The following MTUS2 variants were observed in gnomAD, a reference collection of about 807,000 sequenced individuals.
MTUS2 encodes the protein microtubule associated scaffold protein 2, also known as microtubule-associated tumor suppressor candidate 2.
In MTUS2, 40 loss-of-function variants were observed where a neutral mutation model predicts 114.1. The observed-to-expected ratio is 0.35, with a 90% CI of 0.27 to 0.46. The LOEUF is 0.46. Ranked by LOEUF, MTUS2 falls within the 20% of genes least tolerant of loss-of-function variation. The pLI, the probability that MTUS2 is intolerant of heterozygous loss-of-function variation, is 1.00. For missense variants in MTUS2, 1,679 were observed against 1,705.4 expected (o/e 0.98, Z 0.27); for synonymous variants, 688 against 672.0 (o/e 1.02, Z -0.37).
At chr13:29,038,336 C>G (rs763731516) in intron 4 of MTUS2, among the ~76,000 whole-genome samples, 5 of 152,242 alleles carry the variant, frequency 3.3e-5, no homozygotes, top group Non-Finnish European at 5.9e-5. Flanking sequence ...GAGGTCCACT[C>G]CAGACCCTAT....
intron 5 of MTUS2, among the ~76,000 whole-genome samples, chr13:29,205,909 C>T (rs1218467313): frequency 6.6e-6 from 1 of 152,124 alleles, no homozygotes; most frequent in Non-Finnish European, 1.5e-5. Flanking sequence ...ATTTGTTTTC[C>T]TCTGGGTAGA....
chr13:29,448,548 C>G (rs973103525), intron 9 of MTUS2, among the ~76,000 whole-genome samples: 1 of 151,682 alleles, frequency 6.6e-6, no homozygotes, highest in Non-Finnish European at 1.5e-5. Flanking sequence ...CCCCCAGTCC[C>G]CAGTACTGCT....
chr13:28,911,962 C>G (rs1021142861), intron 2 of MTUS2, among the ~76,000 whole-genome samples: 1 of 150,652 alleles, frequency 6.6e-6, no homozygotes, highest in Non-Finnish European at 1.5e-5. Context: ...TGTCTCTTCA[C>G]TCTGATGATA....
chr13:28,853,990 A>T (rs1263436449), intron 2 of MTUS2, among the ~76,000 whole-genome samples: 4 of 152,228 alleles, frequency 2.6e-5, no homozygotes, highest in Non-Finnish European at 4.4e-5. Context: ...ATAAACAAGT[A>T]CACTTGTATT....
At chr13:29,150,599 A>G (rs1021419980) in intron 5 of MTUS2, among the ~76,000 whole-genome samples, 1 of 152,206 alleles carries the variant, frequency 6.6e-6, no homozygotes, top group Admixed American at 6.5e-5. Context: ...AGACTTAGTC[A>G]TAAATTCTTT....
At chr13:28,990,816 CTGTT>C (rs1353582667) in intron 2 of MTUS2, among the ~76,000 whole-genome samples, 1 of 151,438 alleles carries the variant, frequency 6.6e-6, no homozygotes, top group African/African-American at 2.4e-5. Context: ...CTGCTGCTCA[CTGTT>C]TGGGTCAGCA....
intron 5 of MTUS2, among the ~76,000 whole-genome samples, chr13:29,264,902 T>G (rs191510250): frequency 2.8e-4 from 42 of 152,376 alleles, no homozygotes; most frequent in Middle Eastern, 6.8e-3. Flanking sequence ...TCCCATTGCC[T>G]TGGATATTAG....
intron 2 of MTUS2, among the ~76,000 whole-genome samples, chr13:28,962,531 GTCACTCTGAGGAAT>G (rs1279881465): frequency 6.6e-6 from 1 of 152,084 alleles, no homozygotes; most frequent in Non-Finnish European, 1.5e-5. Flanking sequence ...TAGATGGCAG[GTCACTCTGAGGAAT>G]TAGTGGAAAT....
chr13:29,429,320 C>G (rs969814948), intron 8 of MTUS2, among the ~76,000 whole-genome samples: 4 of 152,238 alleles, frequency 2.6e-5, no homozygotes, highest in African/African-American at 9.6e-5. Flanking sequence ...AAGTTTACCA[C>G]TCTTTTTTCA....
chr13:29,410,867 T>C (rs1005596098), intron 8 of MTUS2, among the ~76,000 whole-genome samples: 1 of 151,994 alleles, frequency 6.6e-6, no homozygotes, highest in Non-Finnish European at 1.5e-5. Context: ...AGTCTCACCC[T>C]GTTGCCCAGG....
intron 5 of MTUS2, among the ~76,000 whole-genome samples, chr13:29,119,354 A>C (rs1268906029): frequency 1.3e-5 from 2 of 151,210 alleles, no homozygotes; most frequent in African/African-American, 4.9e-5. Flanking sequence ...ACTGCATAAC[A>C]AAAAAAAATG....
Position 29,130,077 on chromosome 13 carries a change from A to G in MTUS2, c.2644+29107A>G, listed in dbSNP as rs149682448. Reference sequence around the variant, plus strand: ...AGCAAGGTTAGGGTTTGTCTTGGTCATATGGAGGACAGAATGGAGTGAGTC... The same window carrying G: ...AGCAAGGTTAGGGTTTGTCTTGGTCGTATGGAGGACAGAATGGAGTGAGTC... On this transcript the variant is annotated intron_variant, in intron 5 of 15. Transcript: ENST00000612955. 3.9e-4 allele frequency among the ~76,000 whole-genome samples: 59 copies of G among 152,284 alleles called. No individual in the cohort carries two copies. The East Asian group carries it at 0.011, about 29-fold the overall frequency.
At chr13:29,058,479 T>A (rs1290570239) in intron 4 of MTUS2, among the ~76,000 whole-genome samples, 1 of 151,768 alleles carries the variant, frequency 6.6e-6, no homozygotes, top group Non-Finnish European at 1.5e-5. Flanking sequence ...TCATTCTTCT[T>A]TATTGTTTTC....
intron 8 of MTUS2, among the ~76,000 whole-genome samples, chr13:29,430,979 G>A (rs1188909290): frequency 4.6e-5 from 7 of 152,140 alleles, no homozygotes; most frequent in Admixed American, 1.3e-4. Context: ...CTTAATAAAC[G>A]TTAAAACAAT....
chr13:29,113,016 G>C (rs1197561717), intron 5 of MTUS2, among the ~76,000 whole-genome samples: 1 of 152,150 alleles, frequency 6.6e-6, no homozygotes, highest in Non-Finnish European at 1.5e-5. Flanking sequence ...ATGTGAGGTT[G>C]GAAAACATGA....
chr13:28,974,351 AAC>A (rs1169803867), intron 2 of MTUS2, among the ~76,000 whole-genome samples: 1 of 152,224 alleles, frequency 6.6e-6, no homozygotes, highest in Non-Finnish European at 1.5e-5. Context: ...CGTTTTTAAA[AAC>A]ACAGTTTGGG....
chr13:29,134,947 T>C (rs1338347827), intron 5 of MTUS2, among the ~76,000 whole-genome samples: 1 of 152,240 alleles, frequency 6.6e-6, no homozygotes, highest in Non-Finnish European at 1.5e-5. Flanking sequence ...ATATATACAG[T>C]AGGCCCCTTT....
intron 5 of MTUS2, among the ~76,000 whole-genome samples, chr13:29,174,842 G>T (rs747245437): frequency 6.6e-6 from 1 of 152,136 alleles, no homozygotes; most frequent in Non-Finnish European, 1.5e-5. Context: ...AATTCCTTGA[G>T]ACTTACATTT....
chr13:28,929,599 T>C (rs1005563925), intron 2 of MTUS2, among the ~76,000 whole-genome samples: 1 of 152,094 alleles, frequency 6.6e-6, no homozygotes, highest in Non-Finnish European at 1.5e-5. Context: ...AGCACCGCTA[T>C]GAAGGGGAGA....
Sources: gnomAD v4.1 joint callset for allele counts (sites outside exome capture counted in the v4.1 genomes callset) on GRCh38, gnomAD v4.1.1 for gene constraint, MANE v1.5 for transcripts, NCBI Gene and HGNC (gene_info 2026-07-23, HGNC 2026-07-21) for gene names.